SCAPER: variants seen among roughly 807,000 people sequenced by gnomAD.
SCAPER encodes S-phase cyclin A associated protein in the ER, also known as S phase cyclin A-associated protein in the endoplasmic reticulum.
A neutral mutation model predicts 182.2 loss-of-function variants in SCAPER; 98 were observed. The observed-to-expected ratio is 0.54, with a 90% CI of 0.46 to 0.64. SCAPER has a LOEUF of 0.64. Among genes scored for constraint, SCAPER ranks in the 30% least tolerant of loss-of-function variants. The pLI is 0.00. For synonymous variants in SCAPER, 605 were observed against 564.6 expected (o/e 1.07, Z -1.01); for missense variants, 1,432 against 1,690.0 (o/e 0.85, Z 2.68).
intron 3 of SCAPER, chr15:76,861,706 T>C (rs901510066): frequency 1.3e-5 from 2 of 152,202 alleles, no homozygotes; most frequent in Non-Finnish European, 2.9e-5. Context: ...GTAAATATGA[T>C]TTTTAAAAAA....
chr15:76,685,814 C>T (rs1598152976), intron 20 of SCAPER, among the ~76,000 whole-genome samples: 1 of 151,906 alleles, frequency 6.6e-6, no homozygotes, highest in Admixed American at 6.6e-5. Context: ...AGCAGACAAA[C>T]GAGGATAGGG....
chr15:76,538,621 C>T (rs1047633694), intron 23 of SCAPER, among the ~76,000 whole-genome samples: 6 of 151,662 alleles, frequency 4.0e-5, no homozygotes, highest in South Asian at 2.1e-4. Context: ...TGCTAAATGA[C>T]GAGTTAATGG....
chr15:76,457,218 A>G (rs546381287), intron 25 of SCAPER, among the ~76,000 whole-genome samples: 1 of 152,218 alleles, frequency 6.6e-6, no homozygotes, highest in South Asian at 2.1e-4. Context: ...GCCTGCCACC[A>G]TGCCCAGCTA....
At chr15:76,810,551 C>CCACA (rs67252250) in intron 5 of SCAPER, among the ~76,000 whole-genome samples, 2,093 of 133,446 alleles carry the variant, frequency 0.016, 34 homozygotes, top group African/African-American at 0.039. Context: ...AAAAAAAAAA[C>CCACA]CACACACACA....
intron 21 of SCAPER, among the ~76,000 whole-genome samples, chr15:76,664,530 T>C (rs535158616): frequency 1.3e-5 from 2 of 152,162 alleles, no homozygotes; most frequent in African/African-American, 2.4e-5. Flanking sequence ...CATACTAAGT[T>C]TGAGTAAAGC....
chr15:76,373,795 A>G (rs906227344), intron 29 of SCAPER, among the ~76,000 whole-genome samples: 1 of 152,162 alleles, frequency 6.6e-6, no homozygotes, highest in Non-Finnish European at 1.5e-5. Flanking sequence ...TGCTTACTTG[A>G]GGTATCAGAG....
intron 17 of SCAPER, among the ~76,000 whole-genome samples, chr15:76,720,790 A>C (rs1240909910): frequency 6.6e-6 from 1 of 151,692 alleles, no homozygotes; most frequent in Non-Finnish European, 1.5e-5. Context: ...TTTTCCTGTA[A>C]ATTTGTTTGA....
chr15:76,696,059 G>A (rs1342003915), intron 20 of SCAPER, among the ~76,000 whole-genome samples: 1 of 152,174 alleles, frequency 6.6e-6, no homozygotes, highest in Admixed American at 6.5e-5. Flanking sequence ...CAAATAAGAT[G>A]TTTCATAATG....
intron 21 of SCAPER, among the ~76,000 whole-genome samples, chr15:76,658,651 A>G (rs1037093371): frequency 6.6e-6 from 1 of 152,080 alleles, no homozygotes; most frequent in Non-Finnish European, 1.5e-5. Context: ...CATTACCCAC[A>G]TTACCCAACT....
chr15:76,529,807 G>A (rs1244978279), intron 23 of SCAPER, among the ~76,000 whole-genome samples: 1 of 152,230 alleles, frequency 6.6e-6, no homozygotes, highest in Non-Finnish European at 1.5e-5. Flanking sequence ...TACATGCAAA[G>A]AGTCGGGCAA....
intron 5 of SCAPER, among the ~76,000 whole-genome samples, chr15:76,827,857 T>A (rs1286046458): frequency 1.3e-5 from 2 of 152,210 alleles, no homozygotes; most frequent in South Asian, 2.1e-4. Context: ...ACTAGGAACT[T>A]ATCCCAGTGC....
intron 29 of SCAPER, among the ~76,000 whole-genome samples, chr15:76,356,258 G>A (rs953736833): frequency 2.5e-4 from 38 of 152,162 alleles, no homozygotes; most frequent in African/African-American, 8.7e-4. Flanking sequence ...CAGATGAACC[G>A]TCAGCTGAAT....
chr15:76,449,643 C>T (rs1042372649), intron 25 of SCAPER, among the ~76,000 whole-genome samples: 1 of 152,216 alleles, frequency 6.6e-6, no homozygotes, highest in South Asian at 2.1e-4. Flanking sequence ...TTAATTGGCC[C>T]TTATTTCCCT....
intron 25 of SCAPER, among the ~76,000 whole-genome samples, chr15:76,460,222 G>C (rs528502688): frequency 6.6e-6 from 1 of 151,690 alleles, no homozygotes; most frequent in Non-Finnish European, 1.5e-5. Flanking sequence ...ATCTTTCCTC[G>C]GTCCTCATCA....
chr15:76,410,153 C>T (rs1041008978), intron 26 of SCAPER, among the ~76,000 whole-genome samples: 2 of 152,092 alleles, frequency 1.3e-5, no homozygotes, highest in African/African-American at 4.8e-5. Flanking sequence ...CCTTGGGGGT[C>T]CCAGGGCACC....
chr15:76,584,283 G>C (rs190350815), intron 22 of SCAPER, among the ~76,000 whole-genome samples: 1 of 152,146 alleles, frequency 6.6e-6, no homozygotes, highest in South Asian at 2.1e-4. Context: ...AGGGTAGTGG[G>C]GAAGTGTGTG....
At position 76,348,249 on chromosome 15, in the gene SCAPER, T is replaced by C. The variant is rs2040305603; in HGVS notation, c.*384A>G. On this transcript the variant is annotated 3_prime_UTR_variant, in exon 32 of 32. Transcript: ENST00000563290. ...TACTTCAAGAGCTGGAGTTAACATT[T>C]TTCTTTCAGATTCGTATTTCCTTAA... 1 of 154,332 alleles carries C rather than the reference T, an allele frequency of 6.5e-6. No homozygotes were observed. The highest frequency in any genetic ancestry group is 2.4e-5 in the African/African-American group (1 of 41,528). 9.6% of individuals were successfully genotyped at this position (154,332 alleles called of 1,614,324 possible).
At chr15:76,903,626 A>C (rs1228158772) in intron 1 of SCAPER, among the ~76,000 whole-genome samples, 38 of 152,182 alleles carry the variant, frequency 2.5e-4, no homozygotes, top group Admixed American at 2.5e-3. Context: ...CCAGCCTCCA[A>C]AACTGCAAGA....
At chr15:76,456,822 G>A (rs546540820) in intron 25 of SCAPER, among the ~76,000 whole-genome samples, 1 of 152,172 alleles carries the variant, frequency 6.6e-6, no homozygotes, top group East Asian at 1.9e-4. Context: ...TCTTCCTGTT[G>A]ATTTGATATC....
Sources: gnomAD v4.1 joint callset for allele counts (sites outside exome capture counted in the v4.1 genomes callset) on GRCh38, gnomAD v4.1.1 for gene constraint, MANE v1.5 for transcripts, NCBI Gene and HGNC (gene_info 2026-07-23, HGNC 2026-07-21) for gene names.